CHST11: variants seen among roughly 807,000 people sequenced by gnomAD.
CHST11 encodes carbohydrate sulfotransferase 11, also known as C4S-1.
Under a neutral mutation model 30.4 loss-of-function variants are expected in CHST11, and 9 were observed. That is an observed-to-expected ratio of 0.30 (90% confidence interval 0.18 to 0.52). CHST11 has a LOEUF of 0.52. CHST11 is among the 20% of genes least tolerant of loss of function. The pLI is 0.97. For missense variants in CHST11, 348 were observed against 460.6 expected (o/e 0.76, Z 2.24); for synonymous variants, 152 against 187.8 (o/e 0.81, Z 1.56).
At position 104,758,579 on chromosome 12, in the gene CHST11, A is replaced by G. The variant is rs1184830899; in HGVS notation, c.*776A>G. On this transcript the variant is annotated 3_prime_UTR_variant, in exon 3 of 3. Transcript: ENST00000303694. ...ATTTATTGAGCATCTACTATATACTAGGCCCTGAAGATAGAGCGTTGAACA... is the reference window on the plus strand; with the variant it reads ...ATTTATTGAGCATCTACTATATACTGGGCCCTGAAGATAGAGCGTTGAACA... 6.6e-6 allele frequency: 1 copy of G among 152,178 alleles called. No individual in the cohort carries two copies. The highest frequency in any genetic ancestry group is 2.4e-5 in the African/African-American group (1 of 41,444). 9.4% of individuals were successfully genotyped at this position (152,178 alleles called of 1,614,324 possible).
chr12:104,699,589 G>A (rs1004869087), intron 2 of CHST11, among the ~76,000 whole-genome samples: 2 of 152,264 alleles, frequency 1.3e-5, no homozygotes, highest in East Asian at 1.9e-4. Flanking sequence ...GGTGGCTTTC[G>A]GATAGTTGGT....
rs11833657 is a variant in CHST11 at position 104,638,775 on chromosome 12, A to G, written c.204+36784A>G. On this transcript the variant is annotated intron_variant, in intron 2 of 2. Coordinates refer to ENST00000303694, the MANE Select transcript of CHST11 (RefSeq NM_018413.6). ...CCTAAAGGAAGAATTTCTCTATCTGAATGGATCCAGGTCCTGCAACTTCTT... is the reference window on the plus strand; with the variant it reads ...CCTAAAGGAAGAATTTCTCTATCTGGATGGATCCAGGTCCTGCAACTTCTT... Among the ~76,000 whole-genome samples, 574 of 152,316 alleles carry G rather than the reference A, an allele frequency of 3.8e-3. 6 individuals are homozygous for G. Among genetic ancestry groups the G allele is most frequent in the African/African-American group, 0.013 (537 of 41,570 alleles).
intron 1 of CHST11, among the ~76,000 whole-genome samples, chr12:104,466,978 T>A (rs756437046): frequency 1.4e-4 from 22 of 152,238 alleles, no homozygotes; most frequent in Non-Finnish European, 1.9e-4. Context: ...TGCCATTTTC[T>A]TGTGTGCCTG....
At chr12:104,503,300 G>C (rs2135976022) in intron 1 of CHST11, among the ~76,000 whole-genome samples, 1 of 152,330 alleles carries the variant, frequency 6.6e-6, no homozygotes, top group African/African-American at 2.4e-5. Flanking sequence ...TTAGATGGTA[G>C]GAGTATGTCC....
At chr12:104,597,526 T>C (rs946161330) in intron 1 of CHST11, among the ~76,000 whole-genome samples, 1 of 152,212 alleles carries the variant, frequency 6.6e-6, no homozygotes, top group Non-Finnish European at 1.5e-5. Context: ...TCTCCTTATA[T>C]AGCAAGAACC....
At chr12:104,692,220 G>T (rs571203927) in intron 2 of CHST11, among the ~76,000 whole-genome samples, 2 of 152,120 alleles carry the variant, frequency 1.3e-5, no homozygotes, top group Non-Finnish European at 2.9e-5. Context: ...TCCTCAGAGC[G>T]TGCAGCCCAC....
At chr12:104,506,930 CAAG>C (rs968386408) in intron 1 of CHST11, among the ~76,000 whole-genome samples, 1 of 152,020 alleles carries the variant, frequency 6.6e-6, no homozygotes, top group East Asian at 1.9e-4. Flanking sequence ...AATCTGGAAA[CAAG>C]GAGGGGAGGT....
intron 1 of CHST11, among the ~76,000 whole-genome samples, chr12:104,492,352 T>C (rs1449354808): frequency 6.6e-6 from 1 of 152,176 alleles, no homozygotes; most frequent in Non-Finnish European, 1.5e-5. Context: ...TGCCTCCACC[T>C]CCCAAAGTGT....
At chr12:104,581,714 AC>A (rs561394203) in intron 1 of CHST11, among the ~76,000 whole-genome samples, 2 of 152,132 alleles carry the variant, frequency 1.3e-5, no homozygotes, top group Non-Finnish European at 2.9e-5. Context: ...CAGGGCAGTG[AC>A]CTTGGCTGTG....
At chr12:104,500,099 T>C (rs1278678109) in intron 1 of CHST11, among the ~76,000 whole-genome samples, 1 of 152,250 alleles carries the variant, frequency 6.6e-6, no homozygotes, top group Non-Finnish European at 1.5e-5. Context: ...CCTTTTGATT[T>C]ATTAGATTAG....
intron 2 of CHST11, among the ~76,000 whole-genome samples, chr12:104,732,889 A>G (rs971666166): frequency 6.6e-6 from 1 of 152,262 alleles, no homozygotes; most frequent in Admixed American, 6.5e-5. Flanking sequence ...TCTTTCTGGA[A>G]CTAAGTATTA....
chr12:104,535,417 A>G (rs1470952927), intron 1 of CHST11, among the ~76,000 whole-genome samples: 3 of 152,144 alleles, frequency 2.0e-5, no homozygotes, highest in East Asian at 1.9e-4. Context: ...CTGTTTTAGA[A>G]TAATCTGGTC....
intron 1 of CHST11, among the ~76,000 whole-genome samples, chr12:104,518,508 C>T (rs2038046805): frequency 6.6e-6 from 1 of 152,146 alleles, no homozygotes; most frequent in Non-Finnish European, 1.5e-5. Flanking sequence ...GATGTCTGTG[C>T]ACCGTGTTCT....
At chr12:104,565,012 GT>G (rs57162999) in intron 1 of CHST11, among the ~76,000 whole-genome samples, 19,854 of 152,102 alleles carry the variant, frequency 0.13, 1,452 homozygotes, top group African/African-American at 0.19. Context: ...CTTGTGACAT[GT>G]GGGGATTATG....
intron 1 of CHST11, among the ~76,000 whole-genome samples, chr12:104,537,577 A>AT (rs1480425438): frequency 1.3e-5 from 2 of 152,188 alleles, no homozygotes; most frequent in Non-Finnish European, 2.9e-5. Flanking sequence ...GTTCAATAGA[A>AT]TTTTTAAAAA....
intron 1 of CHST11, among the ~76,000 whole-genome samples, chr12:104,593,557 G>C (rs1055446561): frequency 6.6e-6 from 1 of 152,178 alleles, no homozygotes; most frequent in Non-Finnish European, 1.5e-5. Context: ...GAGGATATCG[G>C]GTCAACATTT....
At chr12:104,723,974 A>G (rs1329744257) in intron 2 of CHST11, among the ~76,000 whole-genome samples, 1 of 152,254 alleles carries the variant, frequency 6.6e-6, no homozygotes, top group African/African-American at 2.4e-5. Context: ...AATTGAACAT[A>G]TAAGGCATTA....
chr12:104,592,506 C>G (rs2136040883), intron 1 of CHST11, among the ~76,000 whole-genome samples: 1 of 152,228 alleles, frequency 6.6e-6, no homozygotes, highest in Admixed American at 6.5e-5. Flanking sequence ...TAAGAGGGCT[C>G]TACCCCCATG....
chr12:104,567,428 G>A (rs541636384), intron 1 of CHST11, among the ~76,000 whole-genome samples: 2 of 152,272 alleles, frequency 1.3e-5, no homozygotes, highest in African/African-American at 4.8e-5. Flanking sequence ...TCCCTGGGTG[G>A]ATGTTTTATG....
Sources: gnomAD v4.1 joint callset for allele counts (sites outside exome capture counted in the v4.1 genomes callset) on GRCh38, gnomAD v4.1.1 for gene constraint, MANE v1.5 for transcripts, NCBI Gene and HGNC (gene_info 2026-07-23, HGNC 2026-07-21) for gene names.